Variants in UNC5B observed in about 807,000 individuals in gnomAD.
UNC5B encodes netrin receptor UNC5B.
Under a neutral mutation model 103.7 loss-of-function variants are expected in UNC5B, and 56 were observed. The observed-to-expected ratio is 0.54, with a 90% CI of 0.44 to 0.67. The LOEUF (loss-of-function observed/expected upper bound fraction) is 0.67. UNC5B is among the 30% of genes least tolerant of loss of function. The pLI is 0.00. For missense variants in UNC5B, 1,194 were observed against 1,284.5 expected (o/e 0.93, Z 1.08); for synonymous variants, 577 against 542.0 (o/e 1.06, Z -0.90).
chr10:71,246,330 C>G (rs1009576488), intron 1 of UNC5B, among the ~76,000 whole-genome samples: 1 of 152,082 alleles, frequency 6.6e-6, no homozygotes, highest in African/African-American at 2.4e-5. Context: ...CCGAGAGGTT[C>G]CTTCCAGAAG....
chr10:71,244,103 GCCAGGCATC>G (rs1431319099), intron 1 of UNC5B, among the ~76,000 whole-genome samples: 1 of 152,222 alleles, frequency 6.6e-6, no homozygotes, highest in Non-Finnish European at 1.5e-5. Context: ...CTAGTACTGG[GCCAGGCATC>G]TTTAGGGACA....
intron 1 of UNC5B, among the ~76,000 whole-genome samples, chr10:71,266,676 T>C (rs1234053175): frequency 6.6e-6 from 1 of 152,064 alleles, no homozygotes; most frequent in African/African-American, 2.4e-5. Flanking sequence ...GGAGGTGAGG[T>C]GTGGGGCTCG....
intron 8 of UNC5B, 25 bp from the exon 9 acceptor site, chr10:71,290,889 CT>C (rs748584290): frequency 1.9e-6 from 3 of 1,597,854 alleles, no homozygotes; most frequent in Non-Finnish European, 1.7e-6. Flanking sequence ...TCTGCTGCCC[CT>C]TATGTGGTCC....
chr10:71,222,300 C>T (rs1004190955), intron 1 of UNC5B, among the ~76,000 whole-genome samples: 76 of 109,928 alleles, frequency 6.9e-4, no homozygotes, highest in African/African-American at 2.0e-3. Context: ...CTCAAGACTT[C>T]TAGGGCCAGA....
chr10:71,217,595 G>A (rs1843358648), intron 1 of UNC5B: 1 of 152,386 alleles, frequency 6.6e-6, no homozygotes, highest in East Asian at 1.9e-4. Flanking sequence ...AGCGCGCTAA[G>A]CCACAGGTCC....
At chr10:71,286,962 A>T in intron 5 of UNC5B, 93 bp downstream of exon 5, 1 of 1,506,754 alleles carries the variant, frequency 6.6e-7, no homozygotes, top group Non-Finnish European at 9.0e-7. Context: ...GGTAGGGAGG[A>T]TGCAGCCCAG....
chr10:71,277,349 G>C (rs1280571083), intron 1 of UNC5B, among the ~76,000 whole-genome samples: 1 of 152,256 alleles, frequency 6.6e-6, no homozygotes, highest in Non-Finnish European at 1.5e-5. Flanking sequence ...AGGCCAGCAA[G>C]GGGCTGGTTC....
At position 71,293,440 on chromosome 10, in the gene UNC5B, C is replaced by T. The variant is rs1351717223; in HGVS notation, c.1808C>T (p.Pro603Leu). 1 of 1,613,924 alleles carries T rather than the reference C, an allele frequency of 6.2e-7. No homozygotes were observed. Among genetic ancestry groups the T allele is most frequent in the African/African-American group, 1.3e-5 (1 of 74,912 alleles). Residue 603 changes from proline to leucine, a missense_variant, in exon 12 of 17, where the codon CCC becomes CTC. Pro to Leu is a moderately conservative substitution (Grantham distance 98). Coordinates refer to ENST00000335350, the MANE Select transcript of UNC5B (RefSeq NM_170744.5). ...GAAGGGACCCAGACAGTATTGAGCC[C>T]CTCGGTGACCTGTGGACCCACAGGC... ...LSEGTQTVLS[P>L]SVTCGPTGLL...
chr10:71,281,847 C>A (rs935692927), intron 2 of UNC5B, among the ~76,000 whole-genome samples: 5 of 152,202 alleles, frequency 3.3e-5, no homozygotes, highest in Non-Finnish European at 5.9e-5. Flanking sequence ...GCCCAGCAGG[C>A]AGTCGATAAA....
At chr10:71,244,532 C>A (rs1184109272) in intron 1 of UNC5B, among the ~76,000 whole-genome samples, 1 of 152,202 alleles carries the variant, frequency 6.6e-6, no homozygotes, top group East Asian at 1.9e-4. Context: ...TCTGGAGGAA[C>A]CTGGAGACTT....
chr10:71,297,960 A>G lies in UNC5B; in HGVS notation c.2542A>G (p.Thr848Ala). The G allele has an allele frequency of 6.2e-7, 1 of 1,613,898 alleles. No homozygotes were observed. Among genetic ancestry groups the G allele is most frequent in the Non-Finnish European group, 8.5e-7 (1 of 1,179,962 alleles). The change falls in exon 16 of 17, where the codon ACC becomes GCC. Residue 848 changes from threonine to alanine, a missense_variant. Physicochemically the swap from Thr to Ala is moderately conservative, Grantham distance 58 (BLOSUM62 0). Coordinates refer to ENST00000335350, the MANE Select transcript of UNC5B (RefSeq NM_170744.5). Reference protein sequence around the residue: ...TLCSAPGSTVTTQLGPYAFKI... With the variant: ...TLCSAPGSTVATQLGPYAFKI... ...CTGCTCTGCCCCTGGCAGCACTGTC[A>G]CCACCCAGCTGGGACCTTATGCCTT...
chr10:71,296,637 C>A lies in UNC5B; in HGVS notation c.2385C>A (p.Thr795=). 1 of 1,614,060 alleles carries A rather than the reference C, an allele frequency of 6.2e-7. No homozygotes were observed. The highest frequency in any genetic ancestry group is 8.5e-7 in the Non-Finnish European group (1 of 1,180,032). Residue 795 remains threonine (T), a synonymous_variant, in exon 15 of 17, where the codon ACC becomes ACA. Coordinates refer to ENST00000335350, the MANE Select transcript of UNC5B (RefSeq NM_170744.5). ...AGAAGGCCCTCCACTGCACTTTCAC[C>A]CTGGAGAGGCACAGCTTGGCCTCCA... ...GSQKALHCTF[T]LERHSLASTE...
rs1845252614 is a variant in UNC5B at position 71,291,446 on chromosome 10, C to T, written c.1309C>T (p.Leu437=). 1 of 1,610,306 alleles carries T rather than the reference C, an allele frequency of 6.2e-7. No homozygotes were observed. The highest frequency in any genetic ancestry group is 8.5e-7 in the Non-Finnish European group (1 of 1,177,998). The part of the protein sequence containing the change: ...KTARPSNPQL[L]HPSVPPDLTA... Reference sequence around the variant, plus strand: ...TACTCCTGCAGGCAACCCGCAGCTCCTACACCCCTCTGTGCCTCCTGACCT... The same window carrying T: ...TACTCCTGCAGGCAACCCGCAGCTCTTACACCCCTCTGTGCCTCCTGACCT... Residue 437 remains leucine (L), a synonymous_variant, in exon 10 of 17, where the codon CTA becomes TTA. Transcript: ENST00000335350.
rs771732112 is a variant in UNC5B, at chr10:71,293,915, C to T, written c.2157C>T (p.Asp719=). Residue 719 remains aspartate (D), a synonymous_variant, in exon 13 of 17, where the codon GAC becomes GAT. Transcript: ENST00000335350. ...GCCTCCGGGTCTACTGCCTGGAGGA[C>T]ACGCCTGTAGCACTGAAGGTAGGGC... ...EYSLRVYCLE[D]TPVALKEVLE... 5 of 1,602,480 alleles carry T rather than the reference C, an allele frequency of 3.1e-6. No homozygotes were observed. Among genetic ancestry groups the T allele is most frequent in the Non-Finnish European group, 4.2e-6 (5 of 1,179,180 alleles).
rs1000641096 is a variant in UNC5B, at chr10:71,299,939, T to C, written c.*662T>C. The C allele has an allele frequency of 4.0e-5, 6 of 149,654 alleles. No individual in the cohort carries two copies. The highest frequency in any genetic ancestry group is 1.5e-4 in the African/African-American group (6 of 40,370). 9.3% of individuals were successfully genotyped at this position (149,654 alleles called of 1,614,324 possible). A position where few individuals can be genotyped will look rare whatever the true frequency, so the allele number is the denominator to read the frequency against. On this transcript the variant is annotated 3_prime_UTR_variant, in exon 17 of 17. Coordinates refer to ENST00000335350, the MANE Select transcript of UNC5B (RefSeq NM_170744.5). ...TCCTTTTTAAGAAAAAAAAAGAAAA[T>C]GAAAAACAACACAAAAAAAATAGAA...
intron 1 of UNC5B, among the ~76,000 whole-genome samples, chr10:71,220,720 A>G (rs532334588): frequency 9.8e-5 from 15 of 152,344 alleles, no homozygotes; most frequent in South Asian, 6.2e-4. Context: ...TGCCCGGCAC[A>G]CAGTGATCAC....
At chr10:71,224,584 G>A (rs1478147597) in intron 1 of UNC5B, among the ~76,000 whole-genome samples, 1 of 152,172 alleles carries the variant, frequency 6.6e-6, no homozygotes. Flanking sequence ...TCCAAATGAA[G>A]AGGTTCTGCC....
Position 71,279,970 on chromosome 10 carries a change from A to T in UNC5B, c.229A>T (p.Ile77Phe). The T allele has an allele frequency of 6.2e-7, 1 of 1,614,082 alleles. No homozygotes were observed. Among genetic ancestry groups the T allele is most frequent in the Non-Finnish European group, 8.5e-7 (1 of 1,180,024 alleles). ...LRCRAFPATQ[I>F]YFKCNGEWVS... is the part of the protein sequence containing the mutation. Reference sequence around the variant, plus strand: ...CTGCCGCGCCTTCCCCGCCACACAGATCTACTTCAAGTGCAACGGCGAGTG... The same window carrying T: ...CTGCCGCGCCTTCCCCGCCACACAGTTCTACTTCAAGTGCAACGGCGAGTG... The change falls in exon 2 of 17, where the codon ATC (isoleucine) becomes TTC (phenylalanine). Residue 77 changes from isoleucine (I) to phenylalanine (F), a missense_variant. Ile to Phe is a conservative substitution (Grantham distance 21). Transcript: ENST00000335350.
intron 1 of UNC5B, among the ~76,000 whole-genome samples, chr10:71,278,776 G>A (rs1461526733): frequency 6.6e-6 from 1 of 152,238 alleles, no homozygotes; most frequent in Non-Finnish European, 1.5e-5. Context: ...GCGGCCATGC[G>A]CCACCCCACA....
Sources: allele counts gnomAD v4.1 joint callset (sites outside exome capture counted in the v4.1 genomes callset), GRCh38; gene constraint gnomAD v4.1.1; transcripts MANE v1.5; gene names NCBI Gene and HGNC (gene_info 2026-07-23, HGNC 2026-07-21).